Variants in NCMAP observed in about 807,000 individuals in gnomAD.
The protein encoded by NCMAP is noncompact myelin-associated protein.
NCMAP carries 8 observed loss-of-function variants against 7.8 expected under a neutral mutation model. The observed-to-expected ratio is 1.02, with a 90% CI of 0.60 to 1.84. NCMAP has a LOEUF of 1.84. Among genes scored for constraint, NCMAP ranks in the 40% most tolerant of loss-of-function variants. The probability of loss-of-function intolerance (pLI) is 0.00; values close to 1 mark genes in which losing one functional copy is unlikely to be tolerated. For synonymous variants in NCMAP, 41 were observed against 52.9 expected (o/e 0.78, Z 0.98); for missense variants, 112 against 131.4 (o/e 0.85, Z 0.72).
intron 1 of NCMAP, 46 bp from the exon 2 acceptor site, chr1:24,595,378 A>T: frequency 7.3e-7 from 1 of 1,362,114 alleles, no homozygotes; most frequent in Non-Finnish European, 1.0e-6. Context: ...AGCAATAATA[A>T]GGATTTATCT....
intron 1 of NCMAP, among the ~76,000 whole-genome samples, chr1:24,567,082 C>T (rs1651247989): frequency 6.6e-6 from 1 of 152,166 alleles, no homozygotes; most frequent in Non-Finnish European, 1.5e-5. Flanking sequence ...GGGATCCGGA[C>T]CCCAGAGAGT....
At chr1:24,605,058 G>C (rs1652675064) in intron 3 of NCMAP, among the ~76,000 whole-genome samples, 1 of 151,936 alleles carries the variant, frequency 6.6e-6, no homozygotes. Context: ...GGAGGTTGCA[G>C]TGAGGCAAGA....
At chr1:24,587,811 C>T (rs1570530803) in intron 1 of NCMAP, among the ~76,000 whole-genome samples, 1 of 152,218 alleles carries the variant, frequency 6.6e-6, no homozygotes, top group Admixed American at 6.5e-5. Context: ...CCACTCCCCA[C>T]CAGAAAAGTG....
At position 24,591,254 on chromosome 1, in the gene NCMAP, C is replaced by T. The variant is rs76823434; in HGVS notation, c.-7-4170C>T. 8.6e-3 allele frequency among the ~76,000 whole-genome samples: 1,308 copies of T among 152,078 alleles called. 20 individuals are homozygous for T. Among genetic ancestry groups the T allele is most frequent in the African/African-American group, 0.03 (1,252 of 41,512 alleles). On this transcript the variant is annotated intron_variant, in intron 1 of 3. Transcript: ENST00000374392. ...ATGAGTAGGAGTCTTCCTTGGGGGG[C>T]GACTGGGGACTGGGCTGTGTCTTTT...
At chr1:24,557,913 C>T (rs74353914) in intron 1 of NCMAP, among the ~76,000 whole-genome samples, 2,731 of 152,254 alleles carry the variant, frequency 0.018, 84 homozygotes, top group African/African-American at 0.062. Flanking sequence ...TAGTGGTTTC[C>T]TATCAACAGC....
At chr1:24,592,484 A>G (rs1284275001) in intron 1 of NCMAP, among the ~76,000 whole-genome samples, 1 of 152,230 alleles carries the variant, frequency 6.6e-6, no homozygotes, top group East Asian at 1.9e-4. Flanking sequence ...TATAATATAT[A>G]TGTTATGTAG....
chr1:24,564,437 C>T (rs569834059), intron 1 of NCMAP, among the ~76,000 whole-genome samples: 36 of 140,088 alleles, frequency 2.6e-4, no homozygotes, highest in Admixed American at 1.7e-3. Flanking sequence ...CACTTGAACC[C>T]GGGAGACTGG....
chr1:24,578,560 C>CTTTTTTTTTTTTTTTTTTTTTTT (rs555342098), intron 1 of NCMAP, among the ~76,000 whole-genome samples: 1 of 107,378 alleles, frequency 9.3e-6, no homozygotes, highest in African/African-American at 4.3e-5. Context: ...TTCTTTCTTT[C>CTTTTTTTTTTTTTTTTTTTTTTT]TTTTTTTTTT....
chr1:24,558,089 T>C (rs908980360), intron 1 of NCMAP, among the ~76,000 whole-genome samples: 1 of 152,212 alleles, frequency 6.6e-6, no homozygotes, highest in East Asian at 1.9e-4. Context: ...TCCATCTCCC[T>C]GGGTTGACCA....
chr1:24,601,261 A>G (rs1652479503), intron 3 of NCMAP, among the ~76,000 whole-genome samples: 1 of 152,156 alleles, frequency 6.6e-6, no homozygotes, highest in Non-Finnish European at 1.5e-5. Flanking sequence ...GACAATGATA[A>G]TGGTCTTGAG....
intron 3 of NCMAP, among the ~76,000 whole-genome samples, chr1:24,604,608 ATATATATATATATATATATATATAT>A (rs1652648107): frequency 4.5e-4 from 4 of 8,974 alleles, no homozygotes; most frequent in African/African-American, 8.5e-4. Context: ...AAAAAAAAAT[ATATATATATATATATATATATATAT>A]ATATATATAT....
Position 24,595,506 on chromosome 1 carries a change from T to C in NCMAP, c.76T>C (p.Tyr26His). The change falls in exon 2 of 4, where the codon TAT (tyrosine) becomes CAT (histidine). Residue 26 changes from tyrosine (Y) to histidine (H), a missense_variant. Transcript: ENST00000374392. ...GACCACCAGGGGAGAAGACTTCCTG[T>C]ATAAGAGTAAGGTCAAATTCGCTTA... The part of the protein sequence containing the change: ...NMTTRGEDFL[Y>H]KSSGAIVAAV... The C allele has an allele frequency of 6.2e-7, 1 of 1,612,478 alleles. No individual in the cohort carries two copies. Among genetic ancestry groups the C allele is most frequent in the South Asian group, 1.1e-5 (1 of 91,040 alleles).
chr1:24,585,750 C>G lies in NCMAP; in HGVS notation c.-7-9674C>G, dbSNP rs536497710. On this transcript the variant is annotated intron_variant, in intron 1 of 3. Transcript: ENST00000374392. Reference sequence around the variant, plus strand: ...AGCCCCTGTGTCCCACCGGTCCCATCAGGACTTTTTTCTCTTTGGGGGAGA... The same window carrying G: ...AGCCCCTGTGTCCCACCGGTCCCATGAGGACTTTTTTCTCTTTGGGGGAGA... Among the ~76,000 whole-genome samples, 20 of 152,316 alleles carry G rather than the reference C, an allele frequency of 1.3e-4. 1 individual carries two copies. The East Asian group carries it at 3.5e-3, about 26-fold the overall frequency.
chr1:24,573,629 T>C (rs1373991569), intron 1 of NCMAP, among the ~76,000 whole-genome samples: 1 of 148,762 alleles, frequency 6.7e-6, no homozygotes, highest in Non-Finnish European at 1.5e-5. Context: ...AAACAAAAAC[T>C]TGACTGGACT....
intron 1 of NCMAP, among the ~76,000 whole-genome samples, chr1:24,557,918 A>AGCTT (rs1650952270): frequency 6.6e-6 from 1 of 152,140 alleles, no homozygotes; most frequent in East Asian, 1.9e-4. Flanking sequence ...GTTTCCTATC[A>AGCTT]ACAGCTTATC....
At chr1:24,589,810 AG>A (rs1410374686) in intron 1 of NCMAP, among the ~76,000 whole-genome samples, 1 of 152,134 alleles carries the variant, frequency 6.6e-6, no homozygotes, top group Non-Finnish European at 1.5e-5. Context: ...GTGGATAGTT[AG>A]CTTTATGTTT....
chr1:24,606,026 C>T lies in NCMAP; in HGVS notation c.*279C>T. On this transcript the variant is annotated 3_prime_UTR_variant, in exon 4 of 4. Coordinates refer to ENST00000374392, the MANE Select transcript of NCMAP (RefSeq NM_001010980.5). ...TATGTTGGGAATCCACCAATGTGGGCTTGGCTTTCCCCCACACTGTAGTTA... is the reference window on the plus strand; with the variant it reads ...TATGTTGGGAATCCACCAATGTGGGTTTGGCTTTCCCCCACACTGTAGTTA... The T allele has an allele frequency of 5.0e-6, 2 of 402,086 alleles. No individual in the cohort carries two copies. Among genetic ancestry groups the T allele is most frequent in the South Asian group, 3.7e-5 (1 of 27,348 alleles). The allele number at this position is 402,086 out of a possible 1,614,324, so 24.9% of individuals were successfully genotyped here.
chr1:24,599,017 C>T (rs1450001225), intron 2 of NCMAP, among the ~76,000 whole-genome samples: 1 of 151,582 alleles, frequency 6.6e-6, no homozygotes, highest in Non-Finnish European at 1.5e-5. Context: ...TGGTGGCTCA[C>T]GCCTACAATC....
At chr1:24,572,827 G>C (rs536897306) in intron 1 of NCMAP, among the ~76,000 whole-genome samples, 15 of 150,796 alleles carry the variant, frequency 9.9e-5, no homozygotes, top group Non-Finnish European at 2.1e-4. Flanking sequence ...GGGCAGGATG[G>C]GTGCTGCCAG....
Sources: gnomAD v4.1 joint callset for allele counts (sites outside exome capture counted in the v4.1 genomes callset) on GRCh38, gnomAD v4.1.1 for gene constraint, MANE v1.5 for transcripts, NCBI Gene and HGNC (gene_info 2026-07-23, HGNC 2026-07-21) for gene names.